AMY2B: variants seen among roughly 807,000 people sequenced by gnomAD.
The protein encoded by AMY2B is alpha-amylase 2B.
A neutral mutation model predicts 59.3 loss-of-function variants in AMY2B; 63 were observed. The ratio of observed to expected loss-of-function variants is 1.06; its 90% CI spans 0.87 to 1.31. The LOEUF (loss-of-function observed/expected upper bound fraction) is 1.31, where lower values mean the gene tolerates loss of function less well. Ranked by LOEUF, AMY2B falls within the 50% of genes most tolerant of loss-of-function variation. The pLI is 0.00. For missense variants in AMY2B, 635 were observed against 626.7 expected, an observed-to-expected ratio of 1.01 and a Z score of -0.14; for synonymous variants, 180 against 198.1, an observed-to-expected ratio of 0.91 and a Z score of 0.77.
At chr1:103,554,965 C>T (rs1467312416) in exon 1 of AMY2B, 1 of 152,066 alleles carries the variant, frequency 6.6e-6, no homozygotes, top group Non-Finnish European at 1.5e-5. Context: ...TGGTTCAGCT[C>T]TTAGTTATTT....
chr1:103,574,103 A>G (rs1392949320), intron 4 of AMY2B, among the ~76,000 whole-genome samples, 157 bp from the exon 5 acceptor site: 4 of 152,170 alleles, frequency 2.6e-5, no homozygotes, highest in African/African-American at 7.2e-5. Context: ...TCTTTATCAC[A>G]AACAAAACAA....
upstream of AMY2B, chr1:103,571,184 G>C: frequency 1.3e-6 from 1 of 794,578 alleles, no homozygotes. Context: ...ACCATGGGCT[G>C]TTACTCGCCT....
upstream of AMY2B, chr1:103,570,579 A>G (rs1224118795): frequency 3.3e-6 from 2 of 598,386 alleles, no homozygotes; most frequent in South Asian, 1.5e-5. Flanking sequence ...CAGCGGCTCC[A>G]TCCTGGCCTC....
At chr1:103,569,865 T>C, upstream of AMY2B, 1 of 459,644 alleles carries the variant, frequency 2.2e-6, no homozygotes, top group Non-Finnish European at 4.3e-6. Flanking sequence ...CTGGTGCTGC[T>C]GACCGAGGAC....
chr1:103,564,234 A>G (rs902157888), intron 1 of AMY2B, among the ~76,000 whole-genome samples: 1 of 152,164 alleles, frequency 6.6e-6, no homozygotes, highest in Admixed American at 6.6e-5. Context: ...AGCATCACAC[A>G]GGTTATAAAT....
In AMY2B at chr1:103,573,839, G is replaced by A. The variant is rs539058065; in HGVS notation, c.645G>A (p.Lys215=). Residue 215 remains lysine (K), a synonymous_variant, in exon 4 of 10, where the codon AAG becomes AAA. Transcript: ENST00000684275. ...CAGGGTTCAGACTTGATGCTTCCAA[G>A]CACATGTGGCCTGGAGACATAAAGG... ...GVAGFRLDAS[K]HMWPGDIKAI... is the part of the protein sequence containing the mutation. 3.1e-6 allele frequency: 5 copies of A among 1,613,820 alleles called. No homozygotes were observed. In the African/African-American group the frequency reaches 6.7e-5, roughly 22 times the overall value.
At position 103,577,396 on chromosome 1, in the gene AMY2B, A is replaced by G. The variant is rs1236981476; in HGVS notation, c.1102-94A>G. On this transcript the variant is annotated intron_variant, in intron 7 of 9. Transcript: ENST00000684275. ...CTAGATAAAGTCATTGAATGCAGAGACACAAGTAACAGGATAGGTTGGGTT... is the reference window on the plus strand; with the variant it reads ...CTAGATAAAGTCATTGAATGCAGAGGCACAAGTAACAGGATAGGTTGGGTT... 2.6e-5 allele frequency: 42 copies of G among 1,596,626 alleles called. No individual in the cohort carries two copies. In the Middle Eastern group the frequency reaches 6.8e-4, roughly 26 times the overall value.
At position 103,572,153 on chromosome 1, in the gene AMY2B, G is replaced by A; in HGVS notation, c.212G>A (p.Arg71Lys). Residue 71 changes from arginine (R) to lysine (K), a missense_variant, in exon 2 of 10, where the codon AGA becomes AAA. Arg to Lys is a conservative substitution (Grantham distance 26). Coordinates refer to ENST00000684275, the MANE Select transcript of AMY2B (RefSeq NM_001387437.1). ...NENVAIHNPF[R>K]PWWERYQPVS... ...AATGTTGCAATTCACAACCCTTTCAGACCTTGGTGGGAAAGATACCAACCA... is the reference window on the plus strand; with the variant it reads ...AATGTTGCAATTCACAACCCTTTCAAACCTTGGTGGGAAAGATACCAACCA... The A allele has an allele frequency of 6.2e-7, 1 of 1,611,656 alleles. No homozygotes were observed. The highest frequency in any genetic ancestry group is 8.5e-7 in the Non-Finnish European group (1 of 1,179,704).
chr1:103,574,032 A>C, intron 4 of AMY2B, 94 bp downstream of exon 4: 1 of 1,594,124 alleles, frequency 6.3e-7, no homozygotes, highest in Non-Finnish European at 8.5e-7. Context: ...TAGGATAAGG[A>C]CTGAGTCATT....
At chr1:103,576,391 T>C (rs1286264558) in intron 7 of AMY2B, among the ~76,000 whole-genome samples, 2 of 152,196 alleles carry the variant, frequency 1.3e-5, no homozygotes, top group Non-Finnish European at 2.9e-5. Flanking sequence ...TGAGCCAACT[T>C]ATCATGATTT....
chr1:103,554,724 G>C (rs1466211607), exon 1 of AMY2B: 1 of 152,548 alleles, frequency 6.6e-6, no homozygotes, highest in Non-Finnish European at 1.5e-5. Context: ...TGGAGCCTCT[G>C]TGTTTCTTTG....
chr1:103,577,327 A>G, intron 7 of AMY2B, 163 bp from the exon 8 acceptor site: 1 of 1,301,782 alleles, frequency 7.7e-7, no homozygotes, highest in Non-Finnish European at 1.1e-6. Context: ...AGAGATGATG[A>G]AGACCCAGTA....
chr1:103,556,425 A>G (rs577208005), intron 1 of AMY2B, among the ~76,000 whole-genome samples: 15 of 152,268 alleles, frequency 9.9e-5, no homozygotes, highest in African/African-American at 3.1e-4. Flanking sequence ...GAAGGTTGAG[A>G]CAGTGGAAAA....
At chr1:103,572,326 C>A (rs1652168742) in intron 2 of AMY2B, 70 bp downstream of exon 2, 2 of 1,556,160 alleles carry the variant, frequency 1.3e-6, no homozygotes, top group South Asian at 2.5e-5. Flanking sequence ...TTTCTTGCTC[C>A]TTTTCAGCAG....
chr1:103,577,984 G>T lies in AMY2B; in HGVS notation c.1346+139G>T, dbSNP rs182281608. On this transcript the variant is annotated intron_variant, in intron 9 of 9. Transcript: ENST00000684275. ...AAGAAGACAATAGACATCAAAATTG[G>T]GCAGAAGTAAAAAGATGATGGCTGT... The T allele has an allele frequency of 2.5e-3, 3,814 of 1,513,824 alleles. 7 individuals are homozygous for T. The highest frequency in any genetic ancestry group is 3.2e-3 in the Non-Finnish European group (3,641 of 1,142,680). 93.8% of individuals were successfully genotyped at this position (1,513,824 alleles called of 1,614,324 possible).
upstream of AMY2B, chr1:103,570,483 A>T: frequency 1.5e-6 from 1 of 673,188 alleles, no homozygotes; most frequent in Non-Finnish European, 2.8e-6. Flanking sequence ...CACCGACAGG[A>T]TGCAGAAGGA....
chr1:103,555,386 C>T (rs1222260284), intron 1 of AMY2B: 2 of 151,798 alleles, frequency 1.3e-5, no homozygotes, highest in Non-Finnish European at 2.9e-5. Flanking sequence ...AGCACTTTCA[C>T]ATTTTTTTTA....
In AMY2B at chr1:103,573,876, A is replaced by G; in HGVS notation, c.682A>G (p.Lys228Glu). 1 of 1,613,878 alleles carries G rather than the reference A, an allele frequency of 6.2e-7. No homozygotes were observed. Among genetic ancestry groups the G allele is most frequent in the Non-Finnish European group, 8.5e-7 (1 of 1,179,770 alleles). ...TGGAGACATAAAGGCAATTTTGGACAAACTGCATAATCTAAACAGTAACTG... is the reference window on the plus strand; with the variant it reads ...TGGAGACATAAAGGCAATTTTGGACGAACTGCATAATCTAAACAGTAACTG... ...WPGDIKAILD[K>E]LHNLNSNWFP... The change falls in exon 4 of 10, where the codon AAA becomes GAA. Residue 228 changes from lysine (K) to glutamate (E), a missense_variant. Coordinates refer to ENST00000684275, the MANE Select transcript of AMY2B (RefSeq NM_001387437.1).
upstream of AMY2B, chr1:103,568,847 G>A (rs1478547184): frequency 6.6e-6 from 1 of 151,684 alleles, no homozygotes; most frequent in Non-Finnish European, 1.5e-5. Flanking sequence ...ATGTATGTGT[G>A]TGTATATATA....
Sources: gnomAD v4.1 joint callset for allele counts (sites outside exome capture counted in the v4.1 genomes callset) on GRCh38, gnomAD v4.1.1 for gene constraint, MANE v1.5 for transcripts, NCBI Gene and HGNC (gene_info 2026-07-23, HGNC 2026-07-21) for gene names.